ISCU: variants seen among roughly 807,000 people sequenced by gnomAD.
The protein encoded by ISCU is iron-sulfur cluster assembly enzyme ISCU.
In ISCU, 13 loss-of-function variants were observed where a neutral mutation model predicts 18.4. The observed-to-expected ratio is 0.71, with a 90% CI of 0.46 to 1.12. The LOEUF is 1.12. Among genes scored for constraint, ISCU ranks in the 50% most tolerant of loss-of-function variants. ISCU has a pLI of 0.00. For missense variants in ISCU, 229 were observed against 208.7 expected (o/e 1.10, Z -0.60); for synonymous variants, 104 against 87.5 (o/e 1.19, Z -1.06).
Position 108,567,858 on chromosome 12 carries a change from C to G in ISCU, c.418+590C>G. The G allele has an allele frequency of 2.0e-6, 3 of 1,470,010 alleles. No homozygotes were observed. The East Asian group carries it at 7.4e-5, about 36-fold the overall frequency. 91.1% of individuals were successfully genotyped at this position (1,470,010 alleles called of 1,614,324 possible). ...CAGATGCCTTAAGACTTGTACTTGG[C>G]TTTCCAGTTTGGTCTCTGTATTAAA... On this transcript the variant is annotated intron_variant, in intron 4 of 4. Transcript: ENST00000311893.
intron 1 of ISCU, 52 bp from the exon 2 acceptor site, chr12:108,564,227 G>A (rs892164473): frequency 6.4e-7 from 1 of 1,562,838 alleles, no homozygotes; most frequent in Non-Finnish European, 8.8e-7. Context: ...TCAAACCAGA[G>A]ACCAGTACCA....
Position 108,564,339 on chromosome 12 carries a change from G to T in ISCU, c.175G>T (p.Val59Phe). 6.2e-7 allele frequency: 1 copy of T among 1,614,234 alleles called. No homozygotes were observed. Among genetic ancestry groups the T allele is most frequent in the Admixed American group, 1.7e-5 (1 of 60,032 alleles). ...GTCCCTTGACAAGACATCTAAAAAT[G>T]TTGGAACTGGACTGGTGGGGGCTCC... ...VGSLDKTSKNVGTGLVGAPAC... is the reference protein window; with the variant it reads ...VGSLDKTSKNFGTGLVGAPAC... Residue 59 changes from valine (V) to phenylalanine (F), a missense_variant, in exon 2 of 5, where the codon GTT (valine) becomes TTT (phenylalanine). By Grantham distance (50) the Val-to-Phe change is conservative (BLOSUM62 -1). Coordinates refer to ENST00000311893, the MANE Select transcript of ISCU (RefSeq NM_213595.4).
At chr12:108,561,866 G>T (rs376507359), upstream of ISCU, among the ~76,000 whole-genome samples, 3 of 152,204 alleles carry the variant, frequency 2.0e-5, no homozygotes, top group African/African-American at 7.2e-5. Flanking sequence ...ATCAGGACAT[G>T]GTATTCGTTT....
At chr12:108,562,580 C>T (rs763835268), upstream of ISCU, 1 of 1,163,478 alleles carries the variant, frequency 8.6e-7, no homozygotes, top group Non-Finnish European at 1.1e-6. Flanking sequence ...CGCGCCCCGC[C>T]CCTCGGCGTC....
upstream of ISCU, among the ~76,000 whole-genome samples, chr12:108,562,110 G>A (rs545477080): frequency 1.3e-5 from 2 of 152,292 alleles, no homozygotes; most frequent in African/African-American, 2.4e-5. Flanking sequence ...CAGACTCAGC[G>A]AGCCGGTACC....
chr12:108,566,945 G>GTCT (rs2030926507), intron 3 of ISCU, among the ~76,000 whole-genome samples: 1 of 152,212 alleles, frequency 6.6e-6, no homozygotes, highest in South Asian at 2.1e-4. Context: ...CTGACTTAGA[G>GTCT]AAGTGTCTGG....
At chr12:108,568,311 C>T (rs1330949311) in intron 4 of ISCU, 23 of 1,097,588 alleles carry the variant, frequency 2.1e-5, no homozygotes, top group African/African-American at 3.3e-5. Context: ...AATATTGACT[C>T]CTAAATAAAA....
chr12:108,561,686 G>A (rs894353976), upstream of ISCU, among the ~76,000 whole-genome samples: 13 of 152,138 alleles, frequency 8.5e-5, no homozygotes, highest in Non-Finnish European at 1.3e-4. Flanking sequence ...GTACCTAGTA[G>A]ACGTTAAATA....
chr12:108,568,811 T>C lies in ISCU; in HGVS notation c.419-20T>C, dbSNP rs959340263. The C allele has an allele frequency of 6.2e-7, 1 of 1,608,262 alleles. No individual in the cohort carries two copies. The highest frequency in any genetic ancestry group is 8.5e-7 in the Non-Finnish European group (1 of 1,177,324). Reference sequence around the variant, plus strand: ...TTTCACATCTAGAAACTTAGGCTTCTTTCCTTCCGTTACTTCCAGTGCTGG... The same window carrying C: ...TTTCACATCTAGAAACTTAGGCTTCCTTCCTTCCGTTACTTCCAGTGCTGG... On this transcript the variant is annotated intron_variant, in intron 4 of 4. Transcript: ENST00000311893.
rs111663815 is a variant in ISCU at position 108,564,393 on chromosome 12, G to A, written c.228+1G>A. 5 of 1,591,094 alleles carry A rather than the reference G, an allele frequency of 3.1e-6. No individual in the cohort carries two copies. The highest frequency in any genetic ancestry group is 4.3e-6 in the Non-Finnish European group (5 of 1,158,882). On this transcript the variant is annotated splice_donor_variant, in intron 2 of 4. Coordinates refer to ENST00000311893, the MANE Select transcript of ISCU (RefSeq NM_213595.4). LOFTEE classifies it high-confidence loss of function. ...ATGTGGTGACGTAATGAAATTACAG[G>A]TATGGCTAGTCTTTTTTAATAGTGA...
At chr12:108,565,035 A>G in intron 2 of ISCU, 1 of 472,784 alleles carries the variant, frequency 2.1e-6, no homozygotes, top group African/African-American at 1.9e-5. Context: ...CCACAAATAG[A>G]AGTTCATAGC....
intron 4 of ISCU, 196 bp downstream of exon 4, chr12:108,567,464 G>A: frequency 1.4e-6 from 1 of 720,282 alleles, no homozygotes; most frequent in South Asian, 1.5e-5. Flanking sequence ...CATGCCAGAA[G>A]GAGGTATGCA....
chr12:108,565,477 A>C (rs1408872180), intron 3 of ISCU, 46 bp downstream of exon 3: 1 of 1,277,514 alleles, frequency 7.8e-7, no homozygotes, highest in South Asian at 1.2e-5. Flanking sequence ...AGTAACCATG[A>C]CTTTTTTTTA....
chr12:108,565,298 C>G, intron 2 of ISCU, 23 bp from the exon 3 acceptor site: 1 of 1,584,164 alleles, frequency 6.3e-7, no homozygotes, highest in South Asian at 1.1e-5. Context: ...GGACTCACCA[C>G]TTAACTCTTG....
Position 108,562,607 on chromosome 12 carries a change from G to A in ISCU, c.-16G>A, listed in dbSNP as rs2030636717. ...CTCGGCGTCGCTCTGGACTGGCGCA[G>A]GCGCAAGCCGGCAAGATGGCGGCGG... On this transcript the variant is annotated 5_prime_UTR_variant, in exon 1 of 5. Transcript: ENST00000311893. 1 of 1,422,752 alleles carries A rather than the reference G, an allele frequency of 7.0e-7. No homozygotes were observed. The allele number at this position is 1,422,752 out of a possible 1,614,324, so 88.1% of individuals were successfully genotyped here.
intron 1 of ISCU, 83 bp downstream of exon 1, chr12:108,562,819 A>G: frequency 5.2e-6 from 4 of 763,604 alleles, no homozygotes; most frequent in Non-Finnish European, 7.6e-6. Context: ...CTGCGCAGCT[A>G]GGACTGGGAG....
At position 108,569,039 on chromosome 12, in the gene ISCU, T is replaced by C. The variant is rs561674621; in HGVS notation, c.*123T>C. 43 of 795,700 alleles carry C rather than the reference T, an allele frequency of 5.4e-5. No homozygotes were observed. In the East Asian group the frequency reaches 6.4e-4, roughly 12 times the overall value. 49.3% of individuals were successfully genotyped at this position (795,700 alleles called of 1,614,324 possible). ...AGAGCTATGAGATACGCACAATACT[T>C]GCTGTTCACGTTATGACTCTCATGC... On this transcript the variant is annotated 3_prime_UTR_variant, in exon 5 of 5. Transcript: ENST00000311893.
At chr12:108,566,270 T>G (rs1410982517) in intron 3 of ISCU, among the ~76,000 whole-genome samples, 1 of 152,238 alleles carries the variant, frequency 6.6e-6, no homozygotes, top group Non-Finnish European at 1.5e-5. Context: ...GCCAGGAAGC[T>G]CAGACCTAAC....
chr12:108,566,561 G>A (rs148686753), intron 3 of ISCU, among the ~76,000 whole-genome samples: 3 of 152,344 alleles, frequency 2.0e-5, no homozygotes, highest in African/African-American at 7.2e-5. Flanking sequence ...TTTCTGTAAG[G>A]CAGTGGGGCA....
Sources: allele counts gnomAD v4.1 joint callset (sites outside exome capture counted in the v4.1 genomes callset), GRCh38; gene constraint gnomAD v4.1.1; transcripts MANE v1.5; gene names NCBI Gene and HGNC (gene_info 2026-07-23, HGNC 2026-07-21).